The following MXI1 variants were observed in gnomAD, a reference collection of about 807,000 sequenced individuals.
The protein encoded by MXI1 is MAX interactor 1, dimerization protein.
MXI1 carries 18 observed loss-of-function variants against 36.9 expected under a neutral mutation model. The observed-to-expected ratio is 0.49, with a 90% CI of 0.34 to 0.72. MXI1 has a LOEUF of 0.72. Ranked by LOEUF, MXI1 falls within the 30% of genes least tolerant of loss-of-function variation. The pLI, the probability that MXI1 is intolerant of heterozygous loss-of-function variation, is 0.01. For synonymous variants in MXI1, 160 were observed against 146.7 expected (o/e 1.09, Z -0.65); for missense variants, 304 against 379.1 (o/e 0.80, Z 1.64).
rs533444226 is a variant in MXI1, at chr10:110,261,421, T to C, written c.437+16564T>C. Among the ~76,000 whole-genome samples the C allele has an allele frequency of 1.4e-3, 200 of 142,316 alleles. No individual in the cohort carries two copies. In the Middle Eastern group the frequency reaches 0.018, roughly 13 times the overall value. 93.4% of individuals were successfully genotyped at this position (142,316 alleles called of 152,430 possible). ...CCTGTAGCATTTATCATAATGACTA[T>C]TCAAACCATTTTTTTTTTTTTTTTA... On this transcript the variant is annotated intron_variant, in intron 3 of 5. Transcript: ENST00000332674.
chr10:110,221,857 C>T (rs1040563669), intron 1 of MXI1, among the ~76,000 whole-genome samples: 2 of 152,210 alleles, frequency 1.3e-5, no homozygotes, highest in African/African-American at 4.8e-5. Context: ...CGGGCAGCAC[C>T]TGAGTCGCTT....
intron 1 of MXI1, among the ~76,000 whole-genome samples, chr10:110,216,448 T>C (rs1017561136): frequency 3.3e-5 from 5 of 152,136 alleles, no homozygotes; most frequent in African/African-American, 9.7e-5. Context: ...TGCCAGGTTT[T>C]AGAGGTAGAG....
At chr10:110,246,142 T>C (rs1855857237) in intron 3 of MXI1, among the ~76,000 whole-genome samples, 1 of 151,142 alleles carries the variant, frequency 6.6e-6, no homozygotes, top group Admixed American at 6.6e-5. Flanking sequence ...GGCAGCAAAG[T>C]GAGATGCCCT....
chr10:110,264,776 T>A (rs974065252), intron 3 of MXI1, among the ~76,000 whole-genome samples: 3 of 152,248 alleles, frequency 2.0e-5, no homozygotes, highest in African/African-American at 7.2e-5. Flanking sequence ...ATTATTTTTC[T>A]AGATTTTAAC....
At chr10:110,220,962 A>G (rs1296535790) in intron 1 of MXI1, among the ~76,000 whole-genome samples, 2 of 152,238 alleles carry the variant, frequency 1.3e-5, no homozygotes, top group Non-Finnish European at 2.9e-5. Context: ...AAATGTTGAA[A>G]AGTATTTGGG....
chr10:110,210,031 G>GCCCCAC (rs1854470752), intron 1 of MXI1, among the ~76,000 whole-genome samples: 1 of 65,006 alleles, frequency 1.5e-5, no homozygotes, highest in Non-Finnish European at 3.0e-5. Context: ...ACCTCCCCCT[G>GCCCCAC]CCCCACCCCC....
intron 3 of MXI1, among the ~76,000 whole-genome samples, chr10:110,277,063 C>T (rs567801426): frequency 6.6e-6 from 1 of 152,234 alleles, no homozygotes; most frequent in South Asian, 2.1e-4. Context: ...CCAGGCTGGT[C>T]TCGAACTCTT....
In MXI1 at chr10:110,216,665, G is replaced by GTTTTTTTTTTTTTT. The variant is rs10656872; in HGVS notation, c.274+8590_274+8603dup. Among the ~76,000 whole-genome samples the GTTTTTTTTTTTTTT allele has an allele frequency of 5.8e-4, 46 of 79,060 alleles. 10 individuals are homozygous for GTTTTTTTTTTTTTT. The highest frequency in any genetic ancestry group is 2.4e-3 in the African/African-American group (30 of 12,588). 51.9% of individuals were successfully genotyped at this position (79,060 alleles called of 152,430 possible). On this transcript the variant is annotated intron_variant, in intron 1 of 5. Coordinates refer to ENST00000332674, the MANE Select transcript of MXI1 (RefSeq NM_130439.3). ...CCTGTCTCCCCTATCTGTGTTTAAT[G>GTTTTTTTTTTTTTT]TTTTTTTTTTTTTTTTTTTTGGAGA...
chr10:110,215,031 GT>G (rs1310002307), intron 1 of MXI1, among the ~76,000 whole-genome samples: 31 of 98,138 alleles, frequency 3.2e-4, no homozygotes, highest in South Asian at 1.1e-3. Flanking sequence ...CTCCACTTCA[GT>G]TTTTTTTTTT....
chr10:110,219,602 A>G (rs1190500651), intron 1 of MXI1, among the ~76,000 whole-genome samples: 1 of 152,136 alleles, frequency 6.6e-6, no homozygotes, highest in Non-Finnish European at 1.5e-5. Flanking sequence ...AGTCTTTGTG[A>G]TCATCCCAGA....
In MXI1 at chr10:110,284,963, T is replaced by C; in HGVS notation, c.864T>C (p.Ser288=). The change falls in exon 6 of 6, where the codon AGT becomes AGC. Residue 288 remains serine, a synonymous_variant. Transcript: ENST00000332674. ...IGSDEGYSSA[S]VKLSFTS ...GTGACGAGGGTTACTCCAGTGCCAG[T>C]GTCAAACTTTCATTCACTTCATAGA... The C allele has an allele frequency of 6.2e-7, 1 of 1,612,692 alleles. No homozygotes were observed. The highest frequency in any genetic ancestry group is 8.5e-7 in the Non-Finnish European group (1 of 1,179,538).
chr10:110,282,660 T>C (rs1055970665), intron 5 of MXI1, among the ~76,000 whole-genome samples: 2 of 152,098 alleles, frequency 1.3e-5, no homozygotes, highest in African/African-American at 4.8e-5. Flanking sequence ...AGCTCTCATT[T>C]TTTTTTAGTG....
intron 3 of MXI1, among the ~76,000 whole-genome samples, chr10:110,275,824 G>A (rs562172995): frequency 6.6e-6 from 1 of 152,044 alleles, no homozygotes; most frequent in Admixed American, 6.5e-5. Flanking sequence ...TATTAATACC[G>A]ATTTTGGAGG....
intron 1 of MXI1, chr10:110,227,375 G>T: frequency 7.1e-6 from 7 of 987,526 alleles, no homozygotes; most frequent in Non-Finnish European, 8.4e-6. Context: ...GCGTGTGTGA[G>T]AGGTCGCGCA....
chr10:110,236,592 C>G (rs1054352288), intron 2 of MXI1, among the ~76,000 whole-genome samples: 2 of 152,102 alleles, frequency 1.3e-5, no homozygotes, highest in African/African-American at 4.8e-5. Context: ...GAGTGAGGAG[C>G]TGGGACTACA....
intron 1 of MXI1, among the ~76,000 whole-genome samples, chr10:110,219,626 C>T (rs1193951425): frequency 1.3e-5 from 2 of 152,226 alleles, no homozygotes; most frequent in Non-Finnish European, 2.9e-5. Context: ...CCTCACCCAG[C>T]CACCTAACCT....
chr10:110,232,171 A>G (rs2134364647), intron 2 of MXI1, among the ~76,000 whole-genome samples: 1 of 152,308 alleles, frequency 6.6e-6, no homozygotes, highest in African/African-American at 2.4e-5. Flanking sequence ...TGTGTTAGCC[A>G]GGATGGTCTC....
chr10:110,227,264 G>C, intron 1 of MXI1: 3 of 864,316 alleles, frequency 3.5e-6, no homozygotes, highest in South Asian at 1.1e-4. Flanking sequence ...TGTGCGGGAA[G>C]GGCGTGCGCG....
chr10:110,251,495 G>A (rs563936729), intron 3 of MXI1, among the ~76,000 whole-genome samples: 1 of 152,154 alleles, frequency 6.6e-6, no homozygotes, highest in East Asian at 1.9e-4. Context: ...GTCTAGAAAG[G>A]TACACTAATA....
Sources: allele counts gnomAD v4.1 joint callset (sites outside exome capture counted in the v4.1 genomes callset), GRCh38; gene constraint gnomAD v4.1.1; transcripts MANE v1.5; gene names NCBI Gene and HGNC (gene_info 2026-07-23, HGNC 2026-07-21).